WFDC8: variants seen among roughly 807,000 people sequenced by gnomAD.
WFDC8 encodes WAP four-disulfide core domain protein 8.
Under a neutral mutation model 27.0 loss-of-function variants are expected in WFDC8, and 24 were observed. The observed-to-expected ratio is 0.89, with a 90% CI of 0.64 to 1.25. The LOEUF (loss-of-function observed/expected upper bound fraction) is 1.25. Ranked by LOEUF, WFDC8 falls within the 50% of genes most tolerant of loss-of-function variation. WFDC8 has a pLI of 0.00. For missense variants in WFDC8, 287 were observed against 295.9 expected (o/e 0.97, Z 0.22); for synonymous variants, 106 against 99.7 (o/e 1.06, Z -0.38).
intron 1 of WFDC8, among the ~76,000 whole-genome samples, chr20:45,577,838 C>A (rs1291334302): frequency 6.7e-6 from 1 of 149,316 alleles, no homozygotes; most frequent in African/African-American, 2.4e-5. Flanking sequence ...GAAACCCTGT[C>A]TCTACTAAAA....
chr20:45,565,548 TC>T (rs1485168027), intron 1 of WFDC8, among the ~76,000 whole-genome samples: 1 of 152,194 alleles, frequency 6.6e-6, no homozygotes, highest in African/African-American at 2.4e-5. Flanking sequence ...TTCTTACATA[TC>T]TCTCACATGT....
intron 1 of WFDC8, among the ~76,000 whole-genome samples, chr20:45,577,203 GC>G (rs1466545135): frequency 6.6e-6 from 1 of 151,060 alleles, no homozygotes; most frequent in African/African-American, 2.4e-5. Flanking sequence ...ACATTTTTGT[GC>G]TTTTTGTTGG....
chr20:45,576,129 G>A (rs903992648), intron 1 of WFDC8, among the ~76,000 whole-genome samples: 13 of 151,298 alleles, frequency 8.6e-5, no homozygotes, highest in South Asian at 2.1e-4. Context: ...AGAACACTCC[G>A]TACATATCTC....
At position 45,578,649 on chromosome 20, in the gene WFDC8, C is replaced by T. The variant is rs1470466905; in HGVS notation, c.26+573G>A. Among the ~76,000 whole-genome samples, 3 of 152,056 alleles carry T rather than the reference C, an allele frequency of 2.0e-5. 1 individual carries two copies. The highest frequency in any genetic ancestry group is 6.6e-5 in the Admixed American group (1 of 15,266). Reference sequence around the variant, plus strand: ...AGAAATGTGTCTTCCTTCCACGGGCCGTTCTAAAATTGCAAGGTAATGGAC... The same window carrying T: ...AGAAATGTGTCTTCCTTCCACGGGCTGTTCTAAAATTGCAAGGTAATGGAC... On this transcript the variant is annotated intron_variant, in intron 1 of 5. Transcript: ENST00000289953.
chr20:45,559,337 A>G (rs1980383515), intron 2 of WFDC8, among the ~76,000 whole-genome samples: 3 of 151,538 alleles, frequency 2.0e-5, no homozygotes, highest in African/African-American at 7.4e-5. Flanking sequence ...CAGTTGATAA[A>G]AGAAATTAGT....
At chr20:45,557,443 T>A (rs1363426988) in intron 3 of WFDC8, among the ~76,000 whole-genome samples, 1 of 152,160 alleles carries the variant, frequency 6.6e-6, no homozygotes, top group African/African-American at 2.4e-5. Context: ...TGTTTTTTTT[T>A]GTTTTTTGAG....
chr20:45,570,801 C>T (rs546548249), intron 1 of WFDC8, among the ~76,000 whole-genome samples: 1 of 152,308 alleles, frequency 6.6e-6, no homozygotes, highest in South Asian at 2.1e-4. Flanking sequence ...CTAAGAGTTC[C>T]ACTTGCTCCA....
At chr20:45,566,488 C>A (rs990523064) in intron 1 of WFDC8, among the ~76,000 whole-genome samples, 3 of 151,972 alleles carry the variant, frequency 2.0e-5, no homozygotes, top group African/African-American at 7.3e-5. Context: ...ATGGTTAAAC[C>A]CTGTCTCTAC....
At chr20:45,555,899 T>C (rs758749982) in intron 3 of WFDC8, 31 bp from the exon 4 acceptor site, 29 of 1,604,682 alleles carry the variant, frequency 1.8e-5, no homozygotes, top group Non-Finnish European at 2.4e-5. Flanking sequence ...AAGAAGGATA[T>C]GAAGAGTAGA....
At chr20:45,552,327 T>C (rs1980063735) in intron 5 of WFDC8, among the ~76,000 whole-genome samples, 162 bp from the exon 6 acceptor site, 1 of 152,218 alleles carries the variant, frequency 6.6e-6, no homozygotes, top group Admixed American at 6.5e-5. Flanking sequence ...GTATCAACTT[T>C]CTACGACTAA....
chr20:45,571,519 A>G (rs1032646838), intron 1 of WFDC8, among the ~76,000 whole-genome samples: 3 of 152,212 alleles, frequency 2.0e-5, no homozygotes, highest in Non-Finnish European at 4.4e-5. Context: ...GAAATGTACA[A>G]TACATTGTTA....
At chr20:45,573,403 A>G (rs1980936821) in intron 1 of WFDC8, among the ~76,000 whole-genome samples, 1 of 152,116 alleles carries the variant, frequency 6.6e-6, no homozygotes, top group Non-Finnish European at 1.5e-5. Flanking sequence ...CCAGTCCCCA[A>G]GTAGTGTACA....
chr20:45,558,780 A>G lies in WFDC8; in HGVS notation c.277+72T>C, dbSNP rs190244324. 49 of 1,587,500 alleles carry G rather than the reference A, an allele frequency of 3.1e-5. 2 individuals are homozygous for G. In the Middle Eastern group the frequency reaches 7.1e-3, roughly 229 times the overall value. On this transcript the variant is annotated intron_variant, in intron 3 of 5. Coordinates refer to ENST00000289953, the MANE Select transcript of WFDC8 (RefSeq NM_130896.3). ...CCCTGGGTCCTTGTCCTGCCATCCAAGGGAATCCCTCAGCCAGTTTTGGAC... is the reference window on the plus strand; with the variant it reads ...CCCTGGGTCCTTGTCCTGCCATCCAGGGGAATCCCTCAGCCAGTTTTGGAC...
intron 1 of WFDC8, among the ~76,000 whole-genome samples, chr20:45,563,136 T>C (rs1385701529): frequency 6.6e-6 from 1 of 152,170 alleles, no homozygotes; most frequent in African/African-American, 2.4e-5. Context: ...CAACCTTTTT[T>C]GTTGGGGGAG....
chr20:45,565,537 C>T lies in WFDC8; in HGVS notation c.27-3318G>A, dbSNP rs144266711. 2.4e-3 allele frequency among the ~76,000 whole-genome samples: 365 copies of T among 152,150 alleles called. 4 individuals carry two copies. The highest frequency in any genetic ancestry group is 8.5e-3 in the African/African-American group (352 of 41,504). ...TAAATTTTTTTTTAAAAAAAGCATACTTCTTACATATCTCTCACATGTCTT... is the reference window on the plus strand; with the variant it reads ...TAAATTTTTTTTTAAAAAAAGCATATTTCTTACATATCTCTCACATGTCTT... On this transcript the variant is annotated intron_variant, in intron 1 of 5. Coordinates refer to ENST00000289953, the MANE Select transcript of WFDC8 (RefSeq NM_130896.3).
intron 4 of WFDC8, among the ~76,000 whole-genome samples, chr20:45,555,027 A>T (rs1179748721): frequency 6.6e-6 from 1 of 152,206 alleles, no homozygotes; most frequent in African/African-American, 2.4e-5. Flanking sequence ...CCACCACTCT[A>T]TCAAGTCTTT....
At chr20:45,553,016 G>T in intron 5 of WFDC8, 120 bp downstream of exon 5, 1 of 1,256,500 alleles carries the variant, frequency 8.0e-7, no homozygotes, top group Non-Finnish European at 1.1e-6. Flanking sequence ...GGTTCCCAAA[G>T]ATCCTCAAAG....
intron 1 of WFDC8, chr20:45,568,353 A>AGAC (rs1980753407): frequency 4.1e-6 from 1 of 241,448 alleles, no homozygotes; most frequent in Non-Finnish European, 8.5e-6. Context: ...AGTCACTGTT[A>AGAC]TTTTTTTCTT....
chr20:45,553,181 AT>A lies in WFDC8; in HGVS notation c.540del (p.Lys180AsnfsTer55), dbSNP rs747010866. On this transcript the variant is annotated frameshift_variant, in exon 5 of 6. Coordinates refer to ENST00000289953, the MANE Select transcript of WFDC8 (RefSeq NM_130896.3). LOFTEE classifies it low-confidence loss of function (END_TRUNC). ...HSDIDCPQTD[K>X]CCESRCGFVC... ...ACAAAGCCACACCTGGATTCACAACATTTGTCTGTCTGGGGACAATCGATGT... is the reference window on the plus strand; with the variant it reads ...ACAAAGCCACACCTGGATTCACAACATTGTCTGTCTGGGGACAATCGATGT... The A allele has an allele frequency of 7.4e-4, 1,189 of 1,613,696 alleles. 2 individuals are homozygous for A. The highest frequency in any genetic ancestry group is 9.7e-4 in the Admixed American group (58 of 60,008).
Sources: allele counts gnomAD v4.1 joint callset (sites outside exome capture counted in the v4.1 genomes callset), GRCh38; gene constraint gnomAD v4.1.1; transcripts MANE v1.5; gene names NCBI Gene and HGNC (gene_info 2026-07-23, HGNC 2026-07-21).